FAAH2: variants seen among roughly 807,000 people sequenced by gnomAD.
FAAH2 encodes fatty-acid amide hydrolase 2.
FAAH2 carries 60 observed loss-of-function variants against 36.9 expected under a neutral mutation model. The ratio of observed to expected loss-of-function variants is 1.63; its 90% confidence interval spans 1.32 to 2.02. FAAH2 has a LOEUF of 2.02. Among genes scored for constraint, FAAH2 ranks in the 30% most tolerant of loss-of-function variants. The probability of loss-of-function intolerance (pLI) is 0.00; values close to 1 mark genes in which losing one functional copy is unlikely to be tolerated. For synonymous variants in FAAH2, 214 were observed against 143.8 expected (o/e 1.49, Z -3.49); for missense variants, 689 against 397.5 (o/e 1.73, Z -6.23).
chrX:57,341,411 AG>A, intron 5 of FAAH2, 21 bp downstream of exon 5: 1 of 1,196,840 alleles, frequency 8.4e-7, no homozygotes. Flanking sequence ...TATGATCAGA[AG>A]GGTGGTTCTA....
the FAAH2 span, among the ~76,000 whole-genome samples, chrX:57,272,398 G>T: frequency 9.0e-6 from 1 of 111,086 alleles, no homozygotes; most frequent in Non-Finnish European, 1.9e-5. Flanking sequence ...TTCAGGAAAT[G>T]CAGAGAACAC....
intron 10 of FAAH2, among the ~76,000 whole-genome samples, chrX:57,484,344 G>A (rs1422082409): frequency 9.0e-6 from 1 of 111,246 alleles, no homozygotes; most frequent in African/African-American, 3.3e-5. Context: ...ATGACTACAG[G>A]CACTAGTCTT....
the FAAH2 span, among the ~76,000 whole-genome samples, chrX:57,267,720 G>A: frequency 1.1e-4 from 12 of 112,111 alleles, no homozygotes; most frequent in Non-Finnish European, 2.1e-4. Context: ...ACAGCACGCA[G>A]CCCAGAAGTT....
the FAAH2 span, among the ~76,000 whole-genome samples, chrX:57,247,974 T>G: frequency 5.3e-5 from 6 of 112,512 alleles, no homozygotes; most frequent in Admixed American, 4.7e-4. Context: ...TTATTAGAAG[T>G]GTTTTACAGA....
chrX:57,472,152 C>T (rs755480824), intron 10 of FAAH2, among the ~76,000 whole-genome samples: 2 of 111,796 alleles, frequency 1.8e-5, no homozygotes, highest in South Asian at 3.7e-4. Flanking sequence ...AGAAGAAAAC[C>T]TAGGCAATAC....
At chrX:57,306,811 C>A (rs1365737160) in intron 2 of FAAH2, among the ~76,000 whole-genome samples, 1 of 86,622 alleles carries the variant, frequency 1.2e-5, no homozygotes, top group Non-Finnish European at 2.3e-5. Context: ...TTATATACAC[C>A]ATATATACAC....
chrX:57,324,682 A>G lies in FAAH2; in HGVS notation c.413-6916A>G, dbSNP rs1432773473. Among the ~76,000 whole-genome samples, 12 of 112,098 alleles carry G rather than the reference A, an allele frequency of 1.1e-4. No individual in the cohort carries two copies. In the Admixed American group the frequency reaches 1.1e-3, roughly 11 times the overall value. On this transcript the variant is annotated intron_variant, in intron 3 of 10. Coordinates refer to ENST00000374900, the MANE Select transcript of FAAH2 (RefSeq NM_174912.4). The stretch of plus-strand genomic sequence containing the variant: ...ATAAGAATGCTTGTGATTTTTGCAC[A>G]TTGATTTTATATCCTGAGACTTTGC...
chrX:57,217,655 C>T, the FAAH2 span, among the ~76,000 whole-genome samples: 1 of 112,051 alleles, frequency 8.9e-6, no homozygotes, highest in East Asian at 2.8e-4. Context: ...TATTTTTATA[C>T]CAGTACCATG....
At chrX:57,419,124 A>T (rs1311864315) in intron 7 of FAAH2, among the ~76,000 whole-genome samples, 1 of 108,762 alleles carries the variant, frequency 9.2e-6, no homozygotes, top group East Asian at 2.9e-4. Context: ...TCATTGTTGG[A>T]CATTTGGGTT....
At chrX:57,407,789 T>C (rs969444241) in intron 7 of FAAH2, among the ~76,000 whole-genome samples, 6 of 112,182 alleles carry the variant, frequency 5.3e-5, no homozygotes, top group Non-Finnish European at 1.1e-4. Context: ...GCAAGTCTTA[T>C]GTTTAAATCT....
intron 4 of FAAH2, among the ~76,000 whole-genome samples, chrX:57,333,365 C>A (rs1318084945): frequency 9.0e-6 from 1 of 111,469 alleles, no homozygotes; most frequent in Non-Finnish European, 1.9e-5. Context: ...TGGCTTTCAA[C>A]AAAACAATTA....
intron 7 of FAAH2, among the ~76,000 whole-genome samples, chrX:57,428,085 A>T (rs2056205687): frequency 1.8e-5 from 2 of 111,935 alleles, no homozygotes; most frequent in East Asian, 5.6e-4. Flanking sequence ...TACAAAAATT[A>T]CTATTTACCA....
chrX:57,344,998 T>A (rs2053782604), intron 5 of FAAH2, among the ~76,000 whole-genome samples: 1 of 111,362 alleles, frequency 9.0e-6, no homozygotes, highest in African/African-American at 3.3e-5. Flanking sequence ...TAGTATTTTG[T>A]TGAAATTTTT....
chrX:57,451,114 A>G (rs1450006380), intron 10 of FAAH2, among the ~76,000 whole-genome samples: 2 of 111,793 alleles, frequency 1.8e-5, no homozygotes, highest in Non-Finnish European at 3.8e-5. Context: ...CTAAGATAAT[A>G]TACGAACTGG....
chrX:57,295,964 C>T (rs1283578741), intron 2 of FAAH2, among the ~76,000 whole-genome samples: 5 of 112,481 alleles, frequency 4.4e-5, no homozygotes, highest in Non-Finnish European at 9.4e-5. Flanking sequence ...GAAGCTCAAA[C>T]TGGGTGGAGC....
At chrX:57,266,328 C>G in the FAAH2 span, among the ~76,000 whole-genome samples, 12 of 111,691 alleles carry the variant, frequency 1.1e-4, no homozygotes, top group Non-Finnish European at 2.1e-4. Context: ...CCTGAGACAA[C>G]TAGGGACTGG....
At chrX:57,156,335 T>C in the FAAH2 span, among the ~76,000 whole-genome samples, 2 of 112,263 alleles carry the variant, frequency 1.8e-5, no homozygotes, top group South Asian at 7.4e-4. Flanking sequence ...TTTTGAATTC[T>C]GCCTCTGAGA....
the FAAH2 span, among the ~76,000 whole-genome samples, chrX:57,225,309 G>A: frequency 9.0e-6 from 1 of 110,638 alleles, no homozygotes; most frequent in Non-Finnish European, 1.9e-5. Flanking sequence ...CGCCTCCTTA[G>A]CTGTATCCGA....
chrX:57,371,626 G>T (rs2054552898), intron 5 of FAAH2, among the ~76,000 whole-genome samples: 1 of 71,519 alleles, frequency 1.4e-5, no homozygotes, highest in Non-Finnish European at 3.4e-5. Flanking sequence ...TTGGATCACA[G>T]TTCTATTTTT....
Sources: gnomAD v4.1 joint callset for allele counts (sites outside exome capture counted in the v4.1 genomes callset) on GRCh38, gnomAD v4.1.1 for gene constraint, MANE v1.5 for transcripts, NCBI Gene and HGNC (gene_info 2026-07-23, HGNC 2026-07-21) for gene names.